The following ELMOD1 variants were observed in gnomAD, a reference collection of about 807,000 sequenced individuals.
ELMOD1 encodes ELMO domain-containing protein 1.
A neutral mutation model predicts 46.7 loss-of-function variants in ELMOD1; 21 were observed. The observed-to-expected ratio is 0.45, with a 90% CI of 0.32 to 0.65. The LOEUF is 0.65. ELMOD1 is among the 30% of genes least tolerant of loss of function. The probability of loss-of-function intolerance (pLI) is 0.04; values close to 1 mark genes in which losing one functional copy is unlikely to be tolerated. For synonymous variants in ELMOD1, 122 were observed against 138.2 expected (o/e 0.88, Z 0.82); for missense variants, 348 against 407.8 (o/e 0.85, Z 1.26).
At position 107,666,355 on chromosome 11, in the gene ELMOD1, T is replaced by A. The variant is rs1053792397; in HGVS notation, c.*1158T>A. The A allele has an allele frequency of 1.3e-5, 2 of 152,180 alleles. No homozygotes were observed. The highest frequency in any genetic ancestry group is 4.8e-5 in the African/African-American group (2 of 41,452). The allele number at this position is 152,180 out of a possible 1,614,324, so 9.4% of individuals were successfully genotyped here. ...TGGCACTGTTCTGATCCAAGCATAT[T>A]TGCTTGGGGAACTAAGTGCTGACTA... is the stretch of plus-strand genomic sequence containing the variant. On this transcript the variant is annotated 3_prime_UTR_variant, in exon 12 of 12. Transcript: ENST00000265840.
chr11:107,632,562 T>C (rs1197881388), intron 5 of ELMOD1, among the ~76,000 whole-genome samples: 1 of 152,216 alleles, frequency 6.6e-6, no homozygotes, highest in Non-Finnish European at 1.5e-5. Context: ...CTCTATAGCG[T>C]TCTTTAGCAG....
At chr11:107,605,753 T>C (rs1865674977) in intron 1 of ELMOD1, among the ~76,000 whole-genome samples, 1 of 152,198 alleles carries the variant, frequency 6.6e-6, no homozygotes, top group Non-Finnish European at 1.5e-5. Flanking sequence ...TTTTAATGAG[T>C]GTCAGCAGTG....
intron 2 of ELMOD1, among the ~76,000 whole-genome samples, chr11:107,628,888 G>A (rs1305004109): frequency 1.3e-5 from 2 of 151,736 alleles, no homozygotes; most frequent in Non-Finnish European, 2.9e-5. Flanking sequence ...TGTGTATCCT[G>A]CTTTATACAT....
At chr11:107,619,414 A>C (rs1326220860) in intron 2 of ELMOD1, among the ~76,000 whole-genome samples, 2 of 152,244 alleles carry the variant, frequency 1.3e-5, no homozygotes, top group African/African-American at 2.4e-5. Flanking sequence ...CTATCTATAC[A>C]TTCATGAAAA....
At chr11:107,648,367 C>T (rs1254250011) in intron 7 of ELMOD1, among the ~76,000 whole-genome samples, 1 of 152,168 alleles carries the variant, frequency 6.6e-6, no homozygotes, top group Non-Finnish European at 1.5e-5. Flanking sequence ...TTGTATCCGT[C>T]CCCTGTATTT....
chr11:107,606,606 G>C (rs1012572971), intron 1 of ELMOD1, among the ~76,000 whole-genome samples: 24 of 152,270 alleles, frequency 1.6e-4, no homozygotes, highest in African/African-American at 4.3e-4. Flanking sequence ...AGGCCAAAGC[G>C]GGTGGATCGC....
chr11:107,627,143 T>C (rs77180469), intron 2 of ELMOD1, among the ~76,000 whole-genome samples: 13,386 of 152,242 alleles, frequency 0.088, 695 homozygotes, highest in African/African-American at 0.13. Flanking sequence ...GTATGGTACC[T>C]AGCACAGCAA....
chr11:107,641,706 T>C lies in ELMOD1; in HGVS notation c.421-5762T>C, dbSNP rs555792046. Among the ~76,000 whole-genome samples, 122 of 152,306 alleles carry C rather than the reference T, an allele frequency of 8.0e-4. 1 individual carries two copies. In the South Asian group the frequency reaches 0.017, roughly 21 times the overall value. On this transcript the variant is annotated intron_variant, in intron 6 of 11. Coordinates refer to ENST00000265840, the MANE Select transcript of ELMOD1 (RefSeq NM_018712.4). The stretch of plus-strand genomic sequence containing the variant: ...TGTCCAAGTATGCTAGCCTAGAATA[T>C]ACTTTATGTAGCATAGTAAGATTAT...
At chr11:107,635,532 T>G (rs571171740) in intron 5 of ELMOD1, 104 bp from the exon 6 acceptor site, 2 of 1,126,710 alleles carry the variant, frequency 1.8e-6, no homozygotes, top group South Asian at 3.8e-5. Context: ...TCCTGAATAT[T>G]ATATTAATAT....
intron 1 of ELMOD1, among the ~76,000 whole-genome samples, chr11:107,598,954 G>A (rs967409127): frequency 1.1e-4 from 16 of 152,112 alleles, no homozygotes; most frequent in Non-Finnish European, 1.8e-4. Context: ...TTTTTACGTG[G>A]GACCTATTGA....
At chr11:107,598,203 A>G (rs1057101348) in intron 1 of ELMOD1, among the ~76,000 whole-genome samples, 1 of 152,174 alleles carries the variant, frequency 6.6e-6, no homozygotes. Context: ...TTACTTGACT[A>G]TGGAGGCTGA....
chr11:107,594,937 T>C (rs898821015), intron 1 of ELMOD1, among the ~76,000 whole-genome samples: 1 of 152,204 alleles, frequency 6.6e-6, no homozygotes, highest in African/African-American at 2.4e-5. Context: ...ATGCAGTTAA[T>C]TCCAAAAAAC....
intron 9 of ELMOD1, chr11:107,653,706 T>A (rs1866569400): frequency 6.6e-6 from 1 of 151,490 alleles, no homozygotes; most frequent in African/African-American, 2.4e-5. Flanking sequence ...TACTTATCGA[T>A]GAACATTTAT....
chr11:107,659,177 A>G (rs763371754), intron 11 of ELMOD1, among the ~76,000 whole-genome samples: 1 of 152,176 alleles, frequency 6.6e-6, no homozygotes, highest in Non-Finnish European at 1.5e-5. Context: ...GCCTAAGAGC[A>G]GGTTGGAGGG....
chr11:107,655,648 C>T (rs541226966), intron 10 of ELMOD1, among the ~76,000 whole-genome samples: 4 of 127,194 alleles, frequency 3.1e-5, no homozygotes, highest in African/African-American at 6.0e-5. Context: ...ATGGCTACTC[C>T]GTGGGTAGAG....
Position 107,615,401 on chromosome 11 carries a change from A to G in ELMOD1, c.-85-2704A>G, listed in dbSNP as rs545725799. 5.3e-4 allele frequency among the ~76,000 whole-genome samples: 80 copies of G among 151,702 alleles called. 1 individual carries two copies. Among genetic ancestry groups the G allele is most frequent in the African/African-American group, 1.9e-3 (80 of 41,386 alleles). On this transcript the variant is annotated intron_variant, in intron 1 of 11. Coordinates refer to ENST00000265840, the MANE Select transcript of ELMOD1 (RefSeq NM_018712.4). ...CAGGCACGCGCTGCCACACCCAGCT[A>G]ATTTTGTATTTTTAGTAGAGACGGG...
chr11:107,663,005 A>ACC (rs10654922), intron 11 of ELMOD1, among the ~76,000 whole-genome samples: 47,277 of 151,432 alleles, frequency 0.31, 7,588 homozygotes, highest in South Asian at 0.38. Context: ...TTGAGATTAC[A>ACC]GGTGTGAGCC....
intron 1 of ELMOD1, among the ~76,000 whole-genome samples, chr11:107,595,012 G>T (rs573112454): frequency 3.2e-4 from 49 of 152,262 alleles, no homozygotes; most frequent in Non-Finnish European, 5.1e-4. Context: ...GAATAACGTG[G>T]TAAATTTCCA....
intron 1 of ELMOD1, among the ~76,000 whole-genome samples, chr11:107,605,512 A>G (rs550998119): frequency 3.3e-5 from 5 of 152,254 alleles, no homozygotes; most frequent in African/African-American, 1.2e-4. Context: ...TGAGAGATGA[A>G]TTTCATCAAT....
Sources: allele counts gnomAD v4.1 joint callset (sites outside exome capture counted in the v4.1 genomes callset), GRCh38; gene constraint gnomAD v4.1.1; transcripts MANE v1.5; gene names NCBI Gene and HGNC (gene_info 2026-07-23, HGNC 2026-07-21).